PCDH15: variants seen among roughly 807,000 people sequenced by gnomAD.
PCDH15 encodes the protein protocadherin-15.
Under a neutral mutation model 178.5 loss-of-function variants are expected in PCDH15, and 129 were observed. The observed-to-expected ratio is 0.72, with a 90% confidence interval of 0.63 to 0.84. The LOEUF (loss-of-function observed/expected upper bound fraction) is 0.84, where lower values mean the gene tolerates loss of function less well. Among genes scored for constraint, PCDH15 ranks in the 40% least tolerant of loss-of-function variants. The probability of loss-of-function intolerance (pLI) is 0.00; values close to 1 mark genes in which losing one functional copy is unlikely to be tolerated. For synonymous variants in PCDH15, 800 were observed against 732.0 expected, an observed-to-expected ratio of 1.09 and a Z score of -1.50; for missense variants, 2,230 against 2,099.9, an observed-to-expected ratio of 1.06 and a Z score of -1.21.
chr10:53,953,338 T>A (rs1447036243), intron 23 of PCDH15, among the ~76,000 whole-genome samples: 3 of 152,220 alleles, frequency 2.0e-5, no homozygotes, highest in Non-Finnish European at 4.4e-5. Flanking sequence ...CCATAAAAGA[T>A]TGATGTGAAA....
chr10:53,985,691 T>C (rs1221424237), intron 21 of PCDH15, among the ~76,000 whole-genome samples: 1 of 152,056 alleles, frequency 6.6e-6, no homozygotes, highest in African/African-American at 2.4e-5. Context: ...TTCAGAGGCA[T>C]AGCACCTTCC....
intron 4 of PCDH15, among the ~76,000 whole-genome samples, chr10:54,371,996 C>T (rs1208017560): frequency 6.6e-6 from 1 of 151,760 alleles, no homozygotes; most frequent in Non-Finnish European, 1.5e-5. Flanking sequence ...TTAGAAGTTT[C>T]CTGGAAAGAA....
At chr10:55,475,243 T>G (rs994375119) in intron 2 of PCDH15, among the ~76,000 whole-genome samples, 5 of 152,080 alleles carry the variant, frequency 3.3e-5, no homozygotes, top group Non-Finnish European at 5.9e-5. Flanking sequence ...AACACCTCCC[T>G]TTATGCCCCA....
At chr10:54,804,151 T>C (rs369228132), upstream of PCDH15, among the ~76,000 whole-genome samples, 6 of 152,272 alleles carry the variant, frequency 3.9e-5, no homozygotes, top group South Asian at 8.3e-4. Context: ...GCCATTCTCC[T>C]GCCTCAGCCT....
intron 2 of PCDH15, among the ~76,000 whole-genome samples, chr10:55,046,458 T>A (rs568274861): frequency 1.3e-5 from 2 of 152,160 alleles, no homozygotes; most frequent in East Asian, 3.9e-4. Flanking sequence ...CATTATACAT[T>A]TTGTAGAAAC....
chr10:55,245,132 T>C lies in PCDH15; in HGVS notation c.-156+74467A>G, dbSNP rs139952043. On this transcript the variant is annotated intron_variant, in intron 1 of 5. Coordinates refer to the PCDH15 transcript ENST00000458638. ...GTAGTCAAAGAAATCAATCACTTTT[T>C]AGAGTGTATCATGATGTGTAAAGCA... is the stretch of plus-strand genomic sequence containing the variant. Among the ~76,000 whole-genome samples, 401 of 152,204 alleles carry C rather than the reference T, an allele frequency of 2.6e-3. 4 individuals are homozygous for C. The East Asian group carries it at 0.026, about 10-fold the overall frequency.
chr10:54,983,367 T>C (rs1187191836), intron 2 of PCDH15, among the ~76,000 whole-genome samples: 2 of 152,104 alleles, frequency 1.3e-5, no homozygotes, highest in African/African-American at 4.8e-5. Context: ...AATTGACCAA[T>C]AGTGTGTAAA....
intron 3 of PCDH15, among the ~76,000 whole-genome samples, chr10:54,882,058 T>C (rs1392543730): frequency 2.6e-5 from 4 of 152,118 alleles, no homozygotes; most frequent in African/African-American, 9.7e-5. Context: ...GACTGTTCAT[T>C]TGATGAATGC....
At chr10:54,779,699 C>T (rs1425284347) in intron 1 of PCDH15, among the ~76,000 whole-genome samples, 1 of 151,018 alleles carries the variant, frequency 6.6e-6, no homozygotes, top group African/African-American at 2.4e-5. Flanking sequence ...CTGTCATTCC[C>T]AATAATTTGA....
In PCDH15 at chr10:54,797,507, A is replaced by AACACACAC. The variant is rs71014418; in HGVS notation, c.-29+3410_-29+3417dup. Among the ~76,000 whole-genome samples the AACACACAC allele has an allele frequency of 4.3e-3, 620 of 145,264 alleles. 4 individuals carry two copies. The highest frequency in any genetic ancestry group is 0.011 in the South Asian group (49 of 4,448). ...ATTATTTTGTTGCTGTTATTGTTGA[A>AACACACAC]ACACACACACACACACACACACACA... On this transcript the variant is annotated intron_variant, in intron 1 of 37. Coordinates refer to ENST00000644397, the MANE Select transcript of PCDH15 (RefSeq NM_001384140.1).
In PCDH15 at chr10:53,807,100, C is replaced by CAACT. The variant is rs1374791255; in HGVS notation, c.4698_4701dup (p.Val1568SerfsTer3). 6.2e-6 allele frequency: 10 copies of CAACT among 1,607,388 alleles called. No individual in the cohort carries two copies. Among genetic ancestry groups the CAACT allele is most frequent in the African/African-American group, 2.7e-5 (2 of 74,634 alleles). ...GAGCTGGTTTCATACTCTCGATCAA[C>CAACT]AACTAACTTGATCATTCTTTTTCTT... On this transcript the variant is annotated frameshift_variant, in exon 38 of 38. Transcript: ENST00000644397. LOFTEE classifies it high-confidence loss of function.
At chr10:54,450,382 GT>G (rs559628170) in intron 3 of PCDH15, among the ~76,000 whole-genome samples, 3 of 151,098 alleles carry the variant, frequency 2.0e-5, no homozygotes, top group Admixed American at 6.6e-5. Context: ...AAATAAGAGT[GT>G]TTTTTTGTAA....
upstream of PCDH15, among the ~76,000 whole-genome samples, chr10:54,804,633 T>G (rs1952745097): frequency 6.6e-6 from 1 of 152,050 alleles, no homozygotes; most frequent in Non-Finnish European, 1.5e-5. Flanking sequence ...ATTCTGTGTT[T>G]TATTCTAAAT....
chr10:54,690,371 G>T (rs1355173933), intron 1 of PCDH15, among the ~76,000 whole-genome samples: 3 of 143,768 alleles, frequency 2.1e-5, no homozygotes, highest in Non-Finnish European at 4.5e-5. Flanking sequence ...CTGGAGTGCA[G>T]TGGCACCATC....
At chr10:53,960,566 T>A (rs1589634699) in intron 22 of PCDH15, among the ~76,000 whole-genome samples, 1 of 152,214 alleles carries the variant, frequency 6.6e-6, no homozygotes, top group African/African-American at 2.4e-5. Context: ...TACATCAAAG[T>A]AATTCTATGT....
intron 3 of PCDH15, among the ~76,000 whole-genome samples, chr10:54,866,050 T>A (rs1254627868): frequency 1.3e-5 from 2 of 152,134 alleles, no homozygotes; most frequent in African/African-American, 2.4e-5. Context: ...GATGAGAAAC[T>A]TTTCTTTAAA....
rs570678471 is a variant in PCDH15 at position 55,132,586 on chromosome 10, A to G, written c.-80+33990T>C. Among the ~76,000 whole-genome samples, 254 of 152,278 alleles carry G rather than the reference A, an allele frequency of 1.7e-3. 2 individuals are homozygous for G. Among genetic ancestry groups the G allele is most frequent in the African/African-American group, 5.7e-3 (238 of 41,568 alleles). ...TTCATACTTACAAATTTATACCCCAATTTGAAAGATAATTAAATGTTCGTT... is the reference window on the plus strand; with the variant it reads ...TTCATACTTACAAATTTATACCCCAGTTTGAAAGATAATTAAATGTTCGTT... On this transcript the variant is annotated intron_variant, in intron 2 of 5. Transcript: ENST00000458638.
At chr10:53,958,284 T>G (rs535015369) in intron 23 of PCDH15, among the ~76,000 whole-genome samples, 15 of 152,332 alleles carry the variant, frequency 9.8e-5, no homozygotes, top group African/African-American at 3.6e-4. Flanking sequence ...TATTCTGGAA[T>G]TTAATGTAGA....
intron 1 of PCDH15, among the ~76,000 whole-genome samples, chr10:54,689,975 G>C (rs1032446125): frequency 1.1e-4 from 17 of 152,148 alleles, no homozygotes; most frequent in Non-Finnish European, 2.2e-4. Flanking sequence ...TAGGTTATAA[G>C]CAATAAAGAA....
Sources: allele counts gnomAD v4.1 joint callset (sites outside exome capture counted in the v4.1 genomes callset), GRCh38; gene constraint gnomAD v4.1.1; transcripts MANE v1.5; gene names NCBI Gene and HGNC (gene_info 2026-07-23, HGNC 2026-07-21).